CHN2: variants seen among roughly 807,000 people sequenced by gnomAD.
CHN2 encodes chimerin 2, also known as beta-chimaerin.
In CHN2, 35 loss-of-function variants were observed where a neutral mutation model predicts 56.3. The observed-to-expected ratio is 0.62, with a 90% CI of 0.47 to 0.82. The LOEUF is 0.82. Among genes scored for constraint, CHN2 ranks in the 40% least tolerant of loss-of-function variants. The pLI is 0.00. For synonymous variants in CHN2, 210 were observed against 212.8 expected, an observed-to-expected ratio of 0.99 and a Z score of 0.12; for missense variants, 491 against 580.5, an observed-to-expected ratio of 0.85 and a Z score of 1.58.
Position 29,496,015 on chromosome 7 carries a change from G to A in CHN2, c.718G>A (p.Ala240Thr), listed in dbSNP as rs1789237318. The change falls in exon 8 of 13, where the codon GCC becomes ACC. Residue 240 changes from alanine (A) to threonine (T), a missense_variant. Transcript: ENST00000222792. Reference sequence around the variant, plus strand: ...TGCCAATTTCATGTGGGGGCTCATCGCCCAAGGGGTCCGGTGCTCAGGTAG... The same window carrying A: ...TGCCAATTTCATGTGGGGGCTCATCACCCAAGGGGTCCGGTGCTCAGGTAG... ...YCANFMWGLI[A>T]QGVRCSDCGL... 7 of 1,612,646 alleles carry A rather than the reference G, an allele frequency of 4.3e-6. No homozygotes were observed. Among genetic ancestry groups the A allele is most frequent in the South Asian group, 3.3e-5 (3 of 90,720 alleles).
chr7:29,191,183 C>T (rs1365973207), upstream of CHN2, among the ~76,000 whole-genome samples: 2 of 152,172 alleles, frequency 1.3e-5, no homozygotes, highest in African/African-American at 4.8e-5. Flanking sequence ...CCTCCCACCT[C>T]AACTTACTGA....
At chr7:29,321,408 T>C (rs1480055875) in intron 1 of CHN2, among the ~76,000 whole-genome samples, 2 of 152,108 alleles carry the variant, frequency 1.3e-5, no homozygotes, top group African/African-American at 4.8e-5. Flanking sequence ...GATATACCTC[T>C]ATGATCCTCG....
chr7:29,377,144 C>A (rs1210768250), intron 3 of CHN2, among the ~76,000 whole-genome samples: 1 of 152,170 alleles, frequency 6.6e-6, no homozygotes, highest in African/African-American at 2.4e-5. Flanking sequence ...CTGCCTCAGC[C>A]TCCCTAGTAG....
At chr7:29,163,111 A>T (rs1196497207) in intron 2 of CHN2, among the ~76,000 whole-genome samples, 2 of 152,174 alleles carry the variant, frequency 1.3e-5, no homozygotes, top group African/African-American at 2.4e-5. Flanking sequence ...TTTACTCCTT[A>T]TGAGTCTGTA....
At chr7:29,419,652 GTAAA>G (rs760578069) in intron 6 of CHN2, among the ~76,000 whole-genome samples, 10 of 152,024 alleles carry the variant, frequency 6.6e-5, no homozygotes, top group Non-Finnish European at 1.5e-4. Context: ...AACAACAAAA[GTAAA>G]TAACCCAATT....
intron 6 of CHN2, among the ~76,000 whole-genome samples, chr7:29,404,727 T>C (rs1477633113): frequency 6.6e-6 from 1 of 152,144 alleles, no homozygotes. Flanking sequence ...ATTTTAAAAT[T>C]GTATGTATTT....
rs142040844 is a variant in CHN2, at chr7:29,274,066, G to C, written c.49+79076G>C. ...GTATGATGACATTTCTGCATTAGCA[G>C]AAAATGGGCATGGTGTCCCAAGCAA... On this transcript the variant is annotated intron_variant, in intron 1 of 12. Coordinates refer to ENST00000222792, the MANE Select transcript of CHN2 (RefSeq NM_004067.4). 5.9e-5 allele frequency among the ~76,000 whole-genome samples: 9 copies of C among 152,308 alleles called. No homozygotes were observed. In the East Asian group the frequency reaches 1.7e-3, roughly 29 times the overall value.
intron 2 of CHN2, among the ~76,000 whole-genome samples, chr7:29,148,178 G>A (rs535930939): frequency 9.9e-5 from 15 of 152,180 alleles, no homozygotes; most frequent in Non-Finnish European, 2.1e-4. Flanking sequence ...ATTTGGGGAG[G>A]GAATTTGGAA....
intron 1 of CHN2, chr7:29,288,919 TTCATCGTGCCAAC>T (rs1273051324): frequency 6.6e-6 from 1 of 152,190 alleles, no homozygotes; most frequent in Non-Finnish European, 1.5e-5. Flanking sequence ...GTGGACACGC[TTCATCGTGCCAAC>T]TCAACTAGCC....
At chr7:29,288,190 C>T (rs1463804079) in intron 1 of CHN2, among the ~76,000 whole-genome samples, 1 of 152,068 alleles carries the variant, frequency 6.6e-6, no homozygotes, top group Non-Finnish European at 1.5e-5. Context: ...AATAAGAAAA[C>T]CTGGGAATCT....
At chr7:29,247,493 G>A (rs1788163678) in intron 1 of CHN2, among the ~76,000 whole-genome samples, 1 of 152,134 alleles carries the variant, frequency 6.6e-6, no homozygotes, top group African/African-American at 2.4e-5. Flanking sequence ...AGCCCTCCTT[G>A]ACCTGCTTCC....
intron 1 of CHN2, among the ~76,000 whole-genome samples, chr7:29,285,638 A>G (rs1424380636): frequency 6.6e-6 from 1 of 152,228 alleles, no homozygotes; most frequent in East Asian, 1.9e-4. Flanking sequence ...TGTGGTTGCT[A>G]GGGTATGTCT....
chr7:29,354,577 C>T, intron 1 of CHN2, 48 bp from the exon 2 acceptor site: 1 of 1,548,208 alleles, frequency 6.5e-7, no homozygotes, highest in Non-Finnish European at 8.8e-7. Flanking sequence ...ATGTTGACAG[C>T]TTGACGTTCA....
chr7:29,500,300 G>GTAA (rs1789827300), intron 9 of CHN2, among the ~76,000 whole-genome samples: 3 of 152,084 alleles, frequency 2.0e-5, no homozygotes, highest in African/African-American at 4.8e-5. Context: ...AGGCATTGAG[G>GTAA]TAATAAAGGT....
intron 2 of CHN2, among the ~76,000 whole-genome samples, chr7:29,170,704 G>A (rs1796484163): frequency 6.6e-6 from 1 of 152,142 alleles, no homozygotes; most frequent in African/African-American, 2.4e-5. Context: ...TTTTCACACT[G>A]CTGATAAAGA....
At position 29,226,170 on chromosome 7, in the gene CHN2, G is replaced by T. The variant is rs1328556716; in HGVS notation, c.49+31180G>T. Among the ~76,000 whole-genome samples, 4 of 152,122 alleles carry T rather than the reference G, an allele frequency of 2.6e-5. No individual in the cohort carries two copies. The East Asian group carries it at 7.7e-4, about 29-fold the overall frequency. On this transcript the variant is annotated intron_variant, in intron 1 of 12. Transcript: ENST00000222792. Reference sequence around the variant, plus strand: ...GTCTTTTCTCAATTGATTGCCTGTAGTGTTACAAATACTTTGAAAAATGAA... The same window carrying T: ...GTCTTTTCTCAATTGATTGCCTGTATTGTTACAAATACTTTGAAAAATGAA...
chr7:29,229,508 G>A (rs1193621036), intron 1 of CHN2, among the ~76,000 whole-genome samples: 1 of 152,198 alleles, frequency 6.6e-6, no homozygotes, highest in East Asian at 1.9e-4. Context: ...ACTGGCTCCA[G>A]TGACATACCG....
At chr7:29,463,652 G>C (rs1245177655) in intron 6 of CHN2, among the ~76,000 whole-genome samples, 3 of 152,168 alleles carry the variant, frequency 2.0e-5, no homozygotes, top group Non-Finnish European at 4.4e-5. Context: ...TTAACACTTT[G>C]GGTGAGGGCC....
At chr7:29,367,653 C>T (rs1011105198) in intron 2 of CHN2, among the ~76,000 whole-genome samples, 19 of 152,176 alleles carry the variant, frequency 1.2e-4, no homozygotes, top group Admixed American at 4.6e-4. Context: ...TAGTCTTCCA[C>T]GAAAGCCATA....
Sources: gnomAD v4.1 joint callset for allele counts (sites outside exome capture counted in the v4.1 genomes callset) on GRCh38, gnomAD v4.1.1 for gene constraint, MANE v1.5 for transcripts, NCBI Gene and HGNC (gene_info 2026-07-23, HGNC 2026-07-21) for gene names.